ANKIB1: variants seen among roughly 807,000 people sequenced by gnomAD.
The protein encoded by ANKIB1 is ankyrin repeat and IBR domain containing 1, also known as ankyrin repeat and IBR domain-containing protein 1.
ANKIB1 carries 43 observed loss-of-function variants against 122.1 expected under a neutral mutation model. That is an observed-to-expected ratio of 0.35 (90% CI 0.28 to 0.45). The LOEUF is 0.45. Among genes scored for constraint, ANKIB1 ranks in the 20% least tolerant of loss-of-function variants. The pLI is 1.00. For missense variants in ANKIB1, 992 were observed against 1,329.5 expected, an observed-to-expected ratio of 0.75 and a Z score of 3.95; for synonymous variants, 390 against 442.0, an observed-to-expected ratio of 0.88 and a Z score of 1.48.
chr7:92,311,723 C>T (rs187631211), intron 3 of ANKIB1, among the ~76,000 whole-genome samples: 1 of 148,978 alleles, frequency 6.7e-6, no homozygotes, highest in Non-Finnish European at 1.5e-5. Context: ...AAGCGCCCCC[C>T]CCACACACAC....
chr7:92,356,904 T>G (rs920036383), intron 9 of ANKIB1, among the ~76,000 whole-genome samples: 5 of 152,198 alleles, frequency 3.3e-5, no homozygotes, highest in Non-Finnish European at 5.9e-5. Context: ...CATTGCTTGG[T>G]ATCCTAAAAA....
In ANKIB1 at chr7:92,246,195, G is replaced by A; in HGVS notation, c.-415G>A. On this transcript the variant is annotated 5_prime_UTR_variant, in exon 1 of 20. Coordinates refer to ENST00000265742, the MANE Select transcript of ANKIB1 (RefSeq NM_019004.2). ...GGGCTTGACCGCGAGGCGGAGGCAA[G>A]AGCCACCGCCCCCTCTTCCCCTCCC... 5.5e-6 allele frequency: 2 copies of A among 363,596 alleles called. No homozygotes were observed. The highest frequency in any genetic ancestry group is 1.0e-5 in the Non-Finnish European group (2 of 192,614). 22.5% of individuals were successfully genotyped at this position (363,596 alleles called of 1,614,324 possible).
intron 1 of ANKIB1, among the ~76,000 whole-genome samples, chr7:92,294,292 A>G (rs1802308256): frequency 6.6e-6 from 1 of 152,174 alleles, no homozygotes; most frequent in Non-Finnish European, 1.5e-5. Context: ...TGGTAGAATA[A>G]TCACTGTATT....
At chr7:92,331,018 G>A (rs1803161612) in intron 5 of ANKIB1, among the ~76,000 whole-genome samples, 1 of 152,086 alleles carries the variant, frequency 6.6e-6, no homozygotes, top group Non-Finnish European at 1.5e-5. Context: ...TTTTTAAAAT[G>A]CAAGGTCTGC....
intron 11 of ANKIB1, among the ~76,000 whole-genome samples, chr7:92,375,923 A>G (rs1804369134): frequency 6.6e-6 from 1 of 152,256 alleles, no homozygotes; most frequent in Admixed American, 6.5e-5. Flanking sequence ...AGCAGACATT[A>G]AAACAACATT....
At chr7:92,265,868 G>A (rs1411775850) in intron 1 of ANKIB1, among the ~76,000 whole-genome samples, 1 of 152,196 alleles carries the variant, frequency 6.6e-6, no homozygotes, top group Non-Finnish European at 1.5e-5. Context: ...TCTAGTACAA[G>A]ATGTCAAGTA....
At chr7:92,327,292 G>A (rs1585109092) in intron 4 of ANKIB1, among the ~76,000 whole-genome samples, 2 of 152,218 alleles carry the variant, frequency 1.3e-5, no homozygotes, top group East Asian at 3.8e-4. Flanking sequence ...GTCCATGATA[G>A]TGGAGCATTA....
rs77391522 is a variant in ANKIB1, at chr7:92,290,204, C to G, written c.-90-4685C>G. 6.8e-3 allele frequency among the ~76,000 whole-genome samples: 1,042 copies of G among 152,324 alleles called. 14 individuals carry two copies. Among genetic ancestry groups the G allele is most frequent in the African/African-American group, 0.023 (945 of 41,574 alleles). On this transcript the variant is annotated intron_variant, in intron 1 of 19. Coordinates refer to ENST00000265742, the MANE Select transcript of ANKIB1 (RefSeq NM_019004.2). Reference sequence around the variant, plus strand: ...GCTTTCTGGAATCTTAGAAACTCATCTGTTTGATTTCAACCTGGAGTGGGA... The same window carrying G: ...GCTTTCTGGAATCTTAGAAACTCATGTGTTTGATTTCAACCTGGAGTGGGA...
chr7:92,370,869 G>A (rs1232688980), intron 10 of ANKIB1, among the ~76,000 whole-genome samples: 2 of 152,172 alleles, frequency 1.3e-5, no homozygotes, highest in Non-Finnish European at 2.9e-5. Flanking sequence ...GTCTAGGCAA[G>A]AGGTATGAAG....
chr7:92,400,928 C>G lies in ANKIB1; in HGVS notation c.*1979C>G, dbSNP rs1562804052. On this transcript the variant is annotated 3_prime_UTR_variant, in exon 20 of 20. Transcript: ENST00000265742. ...GTTTTTAGACCAAGTTGTAATTTTT[C>G]CAATATAGAGTCTTTGCATCACACT... The G allele has an allele frequency of 1.3e-5, 2 of 152,114 alleles. No homozygotes were observed. Among genetic ancestry groups the G allele is most frequent in the Non-Finnish European group, 2.9e-5 (2 of 68,028 alleles). The allele number at this position is 152,114 out of a possible 1,614,324, so 9.4% of individuals were successfully genotyped here.
chr7:92,381,518 G>T (rs946218671), intron 11 of ANKIB1, among the ~76,000 whole-genome samples: 1 of 152,166 alleles, frequency 6.6e-6, no homozygotes, highest in Non-Finnish European at 1.5e-5. Context: ...ACAAAGGAAA[G>T]CCCATCAGAC....
rs2131919921 is a variant in ANKIB1, at chr7:92,295,178, T to C, written c.188+12T>C. The C allele has an allele frequency of 6.6e-7, 1 of 1,515,620 alleles. No homozygotes were observed. The highest frequency in any genetic ancestry group is 8.9e-7 in the Non-Finnish European group (1 of 1,125,964). 93.9% of individuals were successfully genotyped at this position (1,515,620 alleles called of 1,614,324 possible). On this transcript the variant is annotated intron_variant, in intron 2 of 19. Transcript: ENST00000265742. The stretch of plus-strand genomic sequence containing the variant: ...AATAAAATATTAGGGTAAGTATTAC[T>C]ATAAACTAATTGGTATTAGGGTATT...
At chr7:92,253,316 A>T (rs1226586202) in intron 1 of ANKIB1, among the ~76,000 whole-genome samples, 1 of 152,120 alleles carries the variant, frequency 6.6e-6, no homozygotes, top group Non-Finnish European at 1.5e-5. Context: ...TGCCATGTAG[A>T]CCATCTCCCA....
intron 3 of ANKIB1, among the ~76,000 whole-genome samples, chr7:92,310,504 C>T (rs1161143493): frequency 1.3e-5 from 2 of 152,102 alleles, no homozygotes; most frequent in Middle Eastern, 3.2e-3. Flanking sequence ...AGAAGAGTTT[C>T]TCAGGGAAGC....
chr7:92,348,916 G>A (rs1391131220), intron 7 of ANKIB1, among the ~76,000 whole-genome samples: 1 of 152,238 alleles, frequency 6.6e-6, no homozygotes, highest in African/African-American at 2.4e-5. Flanking sequence ...CTAATGGGTA[G>A]TCATTGTGGC....
chr7:92,328,878 A>G (rs1399125017), intron 5 of ANKIB1, among the ~76,000 whole-genome samples: 1 of 149,564 alleles, frequency 6.7e-6, no homozygotes, highest in Non-Finnish European at 1.5e-5. Context: ...GTGGTATACA[A>G]CTCTCCAGAA....
At chr7:92,283,513 G>A (rs572304508) in intron 1 of ANKIB1, among the ~76,000 whole-genome samples, 1 of 152,268 alleles carries the variant, frequency 6.6e-6, no homozygotes, top group East Asian at 1.9e-4. Context: ...TGCCAAAGGT[G>A]TGTGTGTTTT....
chr7:92,391,355 C>T lies in ANKIB1; in HGVS notation c.2231+11C>T, dbSNP rs552866371. ...AGCTCCAAGGCGCAGGTAAAAAGGA[C>T]GTACACTGTGGAAATCATCCTAGCT... On this transcript the variant is annotated intron_variant, in intron 16 of 19. Coordinates refer to ENST00000265742, the MANE Select transcript of ANKIB1 (RefSeq NM_019004.2). 23 of 1,586,182 alleles carry T rather than the reference C, an allele frequency of 1.5e-5. No individual in the cohort carries two copies. Among genetic ancestry groups the T allele is most frequent in the Admixed American group, 3.4e-5 (2 of 58,024 alleles).
In ANKIB1 at chr7:92,399,413, G is replaced by C. The variant is rs1200729056; in HGVS notation, c.*464G>C. 2 of 150,540 alleles carry C rather than the reference G, an allele frequency of 1.3e-5. No individual in the cohort carries two copies. Among genetic ancestry groups the C allele is most frequent in the Non-Finnish European group, 1.5e-5 (1 of 67,828 alleles). 9.3% of individuals were successfully genotyped at this position (150,540 alleles called of 1,614,324 possible). On this transcript the variant is annotated 3_prime_UTR_variant, in exon 20 of 20. Coordinates refer to ENST00000265742, the MANE Select transcript of ANKIB1 (RefSeq NM_019004.2). ...TAACATATATGTCCTCAATCTCTTT[G>C]TGCTCTTCCATAACTTACTTCCTTT...
Sources: gnomAD v4.1 joint callset for allele counts (sites outside exome capture counted in the v4.1 genomes callset) on GRCh38, gnomAD v4.1.1 for gene constraint, MANE v1.5 for transcripts, NCBI Gene and HGNC (gene_info 2026-07-23, HGNC 2026-07-21) for gene names.